The following DNAH12 variants were observed in gnomAD, a reference collection of about 807,000 sequenced individuals.
The protein encoded by DNAH12 is axonemal beta dynein heavy chain 12.
A neutral mutation model predicts 371.5 loss-of-function variants in DNAH12; 285 were observed. That is an observed-to-expected ratio of 0.77 (90% CI 0.70 to 0.85). The LOEUF is 0.85. DNAH12 is among the 40% of genes least tolerant of loss of function. The pLI is 0.00. For synonymous variants in DNAH12, 1,200 were observed against 1,213.0 expected (o/e 0.99, Z 0.22); for missense variants, 3,611 against 3,689.4 (o/e 0.98, Z 0.55).
chr3:57,471,485 T>C lies in DNAH12; in HGVS notation c.1898A>G (p.Glu633Gly). ...MEEFTEFAEL[E>G]RMQQYVTDVR... ...TATTTATCAGACCTGTTGCATGCGC[T>C]CCAGCTCTGCAAATTCTGTAAACTC... The change falls in exon 15 of 74, where the codon GAG (glutamate) becomes GGG (glycine). Residue 633 changes from glutamate (E) to glycine (G), a missense_variant. By Grantham distance (98) the Glu-to-Gly change is moderately conservative (BLOSUM62 -2). Transcript: ENST00000495027. 1 of 1,547,010 alleles carries C rather than the reference T, an allele frequency of 6.5e-7. No individual in the cohort carries two copies. Among genetic ancestry groups the C allele is most frequent in the South Asian group, 1.2e-5 (1 of 82,848 alleles).
chr3:57,513,758 T>C (rs73080571), intron 4 of DNAH12, among the ~76,000 whole-genome samples: 17,747 of 152,246 alleles, frequency 0.12, 1,275 homozygotes, highest in South Asian at 0.21. Context: ...AGATACCATC[T>C]GTCACATATC....
chr3:57,405,527 A>T, intron 41 of DNAH12, 126 bp downstream of exon 41: 2 of 1,096,474 alleles, frequency 1.8e-6, no homozygotes, highest in Non-Finnish European at 2.6e-6. Flanking sequence ...CAAAACAAAC[A>T]CCTATTTACA....
chr3:57,521,286 G>T (rs965485581), intron 4 of DNAH12, among the ~76,000 whole-genome samples: 6 of 151,616 alleles, frequency 4.0e-5, no homozygotes, highest in African/African-American at 1.4e-4. Flanking sequence ...TTAGGCTGAG[G>T]TTTTTTTTAT....
chr3:57,376,032 G>A (rs2063273819), intron 53 of DNAH12, 67 bp from the exon 54 acceptor site: 1 of 151,996 alleles, frequency 6.6e-6, no homozygotes, highest in Non-Finnish European at 1.5e-5. Context: ...AATATAAAGG[G>A]CAAGGGTTTC....
intron 40 of DNAH12, among the ~76,000 whole-genome samples, chr3:57,407,503 G>A (rs1362830258): frequency 2.0e-5 from 3 of 152,176 alleles, no homozygotes; most frequent in Non-Finnish European, 4.4e-5. Flanking sequence ...AACAAGGGGA[G>A]AATTTTAGAA....
intron 25 of DNAH12, among the ~76,000 whole-genome samples, chr3:57,449,567 C>A (rs539977006): frequency 2.7e-4 from 41 of 152,364 alleles, no homozygotes; most frequent in Admixed American, 1.3e-3. Context: ...ACCCAGTACA[C>A]CCTCCACAGC....
intron 62 of DNAH12, among the ~76,000 whole-genome samples, chr3:57,328,267 A>AT (rs1559557464): frequency 1.3e-5 from 2 of 151,758 alleles, no homozygotes; most frequent in Non-Finnish European, 2.9e-5. Flanking sequence ...AAAAAAGAGA[A>AT]TTTAGACCAA....
In DNAH12 at chr3:57,418,275, G is replaced by A. The variant is rs1286029351; in HGVS notation, c.5714+1092C>T. ...TGGCACAAAAGAACTGTATTGCCAG[G>A]CACGGTGTAATCCTAGCACTTTGAG... On this transcript the variant is annotated intron_variant, in intron 37 of 73. Coordinates refer to ENST00000495027, the MANE Select transcript of DNAH12 (RefSeq NM_001366028.2). Among the ~76,000 whole-genome samples, 3 of 148,148 alleles carry A rather than the reference G, an allele frequency of 2.0e-5. No homozygotes were observed. In the East Asian group the frequency reaches 5.9e-4, roughly 29 times the overall value.
chr3:57,429,357 G>C (rs2064884823), intron 33 of DNAH12, among the ~76,000 whole-genome samples: 1 of 152,026 alleles, frequency 6.6e-6, no homozygotes, highest in Non-Finnish European at 1.5e-5. Flanking sequence ...TGTATTTTTA[G>C]TAGAGATGGG....
intron 60 of DNAH12, among the ~76,000 whole-genome samples, chr3:57,339,380 T>TAAAAAAAAAA (rs59005430): frequency 8.8e-6 from 1 of 113,368 alleles, no homozygotes; most frequent in Non-Finnish European, 1.9e-5. Context: ...CAATAAATAC[T>TAAAAAAAAAA]AAAAAAAAAA....
At chr3:57,401,201 G>C (rs2063849690) in intron 43 of DNAH12, among the ~76,000 whole-genome samples, 2 of 151,956 alleles carry the variant, frequency 1.3e-5, no homozygotes, top group Admixed American at 6.6e-5. Flanking sequence ...CAAAACTTGA[G>C]GGATGCAGCA....
chr3:57,319,297 T>C (rs1348139425), intron 65 of DNAH12, among the ~76,000 whole-genome samples: 1 of 152,168 alleles, frequency 6.6e-6, no homozygotes, highest in East Asian at 1.9e-4. Context: ...TCTATATACA[T>C]AAGATCACAT....
intron 55 of DNAH12, among the ~76,000 whole-genome samples, chr3:57,373,952 G>C (rs2063230110): frequency 6.6e-6 from 1 of 152,150 alleles, no homozygotes; most frequent in South Asian, 2.1e-4. Flanking sequence ...GAAGCTTCCA[G>C]AAAGATTTGC....
At chr3:57,522,301 T>C (rs756866735) in intron 4 of DNAH12, among the ~76,000 whole-genome samples, 1 of 152,198 alleles carries the variant, frequency 6.6e-6, no homozygotes, top group African/African-American at 2.4e-5. Flanking sequence ...ACATTCATGA[T>C]GAAGTGATGG....
chr3:57,501,480 A>C, intron 10 of DNAH12, 68 bp from the exon 11 acceptor site: 1 of 1,136,110 alleles, frequency 8.8e-7, no homozygotes, highest in Non-Finnish European at 1.3e-6. Context: ...CTTTTTTTAT[A>C]TGATCATGGA....
chr3:57,469,198 T>G (rs182029717), intron 16 of DNAH12, among the ~76,000 whole-genome samples: 1 of 152,292 alleles, frequency 6.6e-6, no homozygotes, highest in East Asian at 1.9e-4. Flanking sequence ...TGTATCAGAT[T>G]ATAAATGGAT....
the DNAH12 span, among the ~76,000 whole-genome samples, chr3:57,552,638 C>G: frequency 1.3e-5 from 2 of 152,130 alleles, no homozygotes; most frequent in Admixed American, 6.5e-5. Flanking sequence ...GGTATAGTGT[C>G]TCATCTCATA....
intron 40 of DNAH12, among the ~76,000 whole-genome samples, chr3:57,406,619 G>C (rs782787165): frequency 2.7e-5 from 2 of 72,898 alleles, no homozygotes; most frequent in East Asian, 1.1e-3. Context: ...ATCTTTCAGA[G>C]AAAGGGAAAT....
chr3:57,543,391 T>TG (rs1201275109), intron 1 of DNAH12, among the ~76,000 whole-genome samples: 1 of 140,498 alleles, frequency 7.1e-6, no homozygotes, highest in Admixed American at 7.8e-5. Flanking sequence ...GGCGCGATCT[T>TG]GGCTCACTGC....
Sources: allele counts gnomAD v4.1 joint callset (sites outside exome capture counted in the v4.1 genomes callset), GRCh38; gene constraint gnomAD v4.1.1; transcripts MANE v1.5; gene names NCBI Gene and HGNC (gene_info 2026-07-23, HGNC 2026-07-21).